PAN3: variants seen among roughly 807,000 people sequenced by gnomAD.
The protein encoded by PAN3 is poly(A) specific ribonuclease subunit PAN3.
Under a neutral mutation model 96.2 loss-of-function variants are expected in PAN3, and 19 were observed. The ratio of observed to expected loss-of-function variants is 0.20; its 90% CI spans 0.14 to 0.29. The LOEUF (loss-of-function observed/expected upper bound fraction) is 0.29. PAN3 is among the 10% of genes least tolerant of loss of function. PAN3 has a pLI of 1.00. For synonymous variants in PAN3, 433 were observed against 406.6 expected (o/e 1.06, Z -0.78); for missense variants, 882 against 1,108.1 (o/e 0.80, Z 2.90).
At chr13:28,152,615 A>G (rs1185403332) in intron 1 of PAN3, among the ~76,000 whole-genome samples, 1 of 152,030 alleles carries the variant, frequency 6.6e-6, no homozygotes, top group Admixed American at 6.6e-5. Flanking sequence ...AAAAATGTGT[A>G]TCTTATTACA....
chr13:28,235,722 C>T (rs979162458), intron 6 of PAN3, among the ~76,000 whole-genome samples: 3 of 148,952 alleles, frequency 2.0e-5, no homozygotes, highest in African/African-American at 2.5e-5. Context: ...CACACACACA[C>T]ATATATATAT....
At chr13:28,192,310 C>T (rs1012488299) in intron 4 of PAN3, among the ~76,000 whole-genome samples, 2 of 152,216 alleles carry the variant, frequency 1.3e-5, no homozygotes, top group East Asian at 1.9e-4. Flanking sequence ...CCTCATGATC[C>T]GTTCGCCTCA....
chr13:28,162,838 T>TC (rs1873052097), intron 1 of PAN3, among the ~76,000 whole-genome samples: 1 of 150,520 alleles, frequency 6.6e-6, no homozygotes, highest in Admixed American at 6.6e-5. Flanking sequence ...GGAGACTTTT[T>TC]CTCAAAAATA....
At chr13:28,194,634 A>G (rs1409916778) in intron 4 of PAN3, among the ~76,000 whole-genome samples, 1 of 151,348 alleles carries the variant, frequency 6.6e-6, no homozygotes, top group Non-Finnish European at 1.5e-5. Context: ...CACACGGCTA[A>G]TTTCTTTTGT....
intron 1 of PAN3, among the ~76,000 whole-genome samples, chr13:28,152,102 T>C (rs900115593): frequency 6.6e-6 from 1 of 152,192 alleles, no homozygotes; most frequent in African/African-American, 2.4e-5. Flanking sequence ...ACATTTGGGT[T>C]CTACATATGT....
intron 4 of PAN3, among the ~76,000 whole-genome samples, chr13:28,187,343 T>C (rs1321861970): frequency 1.3e-5 from 2 of 152,230 alleles, no homozygotes; most frequent in African/African-American, 4.8e-5. Flanking sequence ...ATACAACAAT[T>C]TTTTTCACTC....
chr13:28,146,660 C>T (rs1000513022), intron 1 of PAN3, among the ~76,000 whole-genome samples: 1 of 152,046 alleles, frequency 6.6e-6, no homozygotes, highest in Admixed American at 6.6e-5. Context: ...CAGTGGTATA[C>T]AAAGGTAAGT....
chr13:28,227,551 A>G (rs1482551468), intron 6 of PAN3, among the ~76,000 whole-genome samples: 5 of 152,104 alleles, frequency 3.3e-5, no homozygotes, highest in East Asian at 3.9e-4. Context: ...TGAAGCAGCT[A>G]TGTGATTTTC....
intron 6 of PAN3, among the ~76,000 whole-genome samples, chr13:28,223,603 G>A (rs949022974): frequency 6.7e-5 from 10 of 149,644 alleles, no homozygotes; most frequent in Admixed American, 4.7e-4. Flanking sequence ...TGCTCTTGTT[G>A]CCCAGGCTGG....
chr13:28,271,053 G>C (rs985260205), intron 13 of PAN3, among the ~76,000 whole-genome samples, 187 bp downstream of exon 13: 1 of 152,000 alleles, frequency 6.6e-6, no homozygotes, highest in Non-Finnish European at 1.5e-5. Context: ...AAAATGCCTG[G>C]TTATTAACCA....
chr13:28,272,006 T>C lies in PAN3; in HGVS notation c.1984T>C (p.Phe662Leu). The part of the protein sequence containing the change: ...TRLRVNCVGV[F>L]DVLTFDNSQN... ...GTTGCGAGTAAATTGTGTTGGAGTT[T>C]TTGATGTTTTAACATTTGATAACAG... is the stretch of plus-strand genomic sequence containing the variant. The change falls in exon 14 of 19, where the codon TTT (phenylalanine) becomes CTT (leucine). Residue 662 changes from phenylalanine to leucine, a missense_variant. By Grantham distance (22) the Phe-to-Leu change is conservative (BLOSUM62 0). Transcript: ENST00000380958. 1.3e-6 allele frequency: 2 copies of C among 1,588,318 alleles called. No homozygotes were observed. Among genetic ancestry groups the C allele is most frequent in the Non-Finnish European group, 1.7e-6 (2 of 1,162,994 alleles).
At position 28,226,652 on chromosome 13, in the gene PAN3, T is replaced by C. The variant is rs183427761; in HGVS notation, c.1000+6274T>C. On this transcript the variant is annotated intron_variant, in intron 6 of 18. Transcript: ENST00000380958. Reference sequence around the variant, plus strand: ...TCTCTTAAGTACAGTGAATTTTAATTAATAAACATCTTTGAAGAACTTCTA... The same window carrying C: ...TCTCTTAAGTACAGTGAATTTTAATCAATAAACATCTTTGAAGAACTTCTA... Among the ~76,000 whole-genome samples, 6 of 152,292 alleles carry C rather than the reference T, an allele frequency of 3.9e-5. No individual in the cohort carries two copies. In the East Asian group the frequency reaches 5.8e-4, roughly 15 times the overall value.
chr13:28,240,226 A>C (rs1312960710), intron 6 of PAN3, among the ~76,000 whole-genome samples: 1 of 152,128 alleles, frequency 6.6e-6, no homozygotes, highest in Non-Finnish European at 1.5e-5. Flanking sequence ...ATCTTTGAGG[A>C]AATGAGATTA....
chr13:28,143,757 A>G (rs778986579), intron 1 of PAN3, among the ~76,000 whole-genome samples: 3 of 152,246 alleles, frequency 2.0e-5, no homozygotes, highest in Non-Finnish European at 4.4e-5. Flanking sequence ...GAGGGCATAC[A>G]TTGAAGACTA....
chr13:28,235,558 G>A (rs539497818), intron 6 of PAN3, among the ~76,000 whole-genome samples: 2 of 152,052 alleles, frequency 1.3e-5, no homozygotes, highest in East Asian at 3.9e-4. Flanking sequence ...TATTGATTAG[G>A]TCAAATGTCA....
At position 28,194,966 on chromosome 13, in the gene PAN3, A is replaced by G. The variant is rs572687460; in HGVS notation, c.691-2219A>G. Among the ~76,000 whole-genome samples, 14 of 151,538 alleles carry G rather than the reference A, an allele frequency of 9.2e-5. No homozygotes were observed. The South Asian group carries it at 3.0e-3, about 33-fold the overall frequency. ...TTCCATGGCATGAATCACTAAGGGTACATACTTATTCTTATTCACAAAATT... is the reference window on the plus strand; with the variant it reads ...TTCCATGGCATGAATCACTAAGGGTGCATACTTATTCTTATTCACAAAATT... On this transcript the variant is annotated intron_variant, in intron 4 of 18. Transcript: ENST00000380958.
chr13:28,259,708 C>T (rs1885530631), intron 7 of PAN3, among the ~76,000 whole-genome samples: 1 of 151,762 alleles, frequency 6.6e-6, no homozygotes, highest in African/African-American at 2.4e-5. Context: ...GCACAATCTC[C>T]ACTCACCACA....
At chr13:28,158,751 G>T (rs556061861) in intron 1 of PAN3, among the ~76,000 whole-genome samples, 1 of 151,978 alleles carries the variant, frequency 6.6e-6, no homozygotes, top group East Asian at 1.9e-4. Context: ...GGTGGTGGGC[G>T]CCTGTAGTCC....
chr13:28,205,243 T>C (rs1879206853), intron 5 of PAN3, among the ~76,000 whole-genome samples: 2 of 152,156 alleles, frequency 1.3e-5, no homozygotes, highest in East Asian at 1.9e-4. Flanking sequence ...GATTGGACTT[T>C]GTAAAGGTGA....
Sources: gnomAD v4.1 joint callset for allele counts (sites outside exome capture counted in the v4.1 genomes callset) on GRCh38, gnomAD v4.1.1 for gene constraint, MANE v1.5 for transcripts, NCBI Gene and HGNC (gene_info 2026-07-23, HGNC 2026-07-21) for gene names.